TM2D3: variants seen among roughly 807,000 people sequenced by gnomAD.
The protein encoded by TM2D3 is TM2 domain-containing protein 3.
In TM2D3, 33 loss-of-function variants were observed where a neutral mutation model predicts 27.3. That is an observed-to-expected ratio of 1.21 (90% CI 0.92 to 1.61). The LOEUF is 1.61. Among genes scored for constraint, TM2D3 ranks in the 40% most tolerant of loss-of-function variants. The pLI is 0.00. For missense variants in TM2D3, 364 were observed against 320.8 expected (o/e 1.13, Z -1.03); for synonymous variants, 138 against 122.2 (o/e 1.13, Z -0.85).
downstream of TM2D3, chr15:101,636,997 T>A: frequency 3.0e-6 from 1 of 336,826 alleles, no homozygotes; most frequent in Non-Finnish European, 6.1e-6. Flanking sequence ...TATCAAGAGG[T>A]CCTAAGAACA....
chr15:101,644,185 C>T (rs1412873661), intron 5 of TM2D3, among the ~76,000 whole-genome samples: 1 of 152,148 alleles, frequency 6.6e-6, no homozygotes, highest in Admixed American at 6.5e-5. Flanking sequence ...TCCTGGCACC[C>T]TCTTTTACTT....
intron 1 of TM2D3, 139 bp downstream of exon 1, chr15:101,652,132 G>C: frequency 2.4e-6 from 2 of 819,624 alleles, no homozygotes; most frequent in Non-Finnish European, 3.9e-6. Context: ...GACTCCAGAT[G>C]CAGCGACAAG....
intron 4 of TM2D3, chr15:101,633,820 T>C: frequency 8.8e-7 from 1 of 1,137,976 alleles, no homozygotes; most frequent in Non-Finnish European, 1.2e-6. Context: ...AAAAAATCCA[T>C]ATACCAAGAA....
exon 5 of TM2D3, chr15:101,633,062 A>G (rs1244667225): frequency 6.6e-6 from 1 of 152,046 alleles, no homozygotes; most frequent in Non-Finnish European, 1.5e-5. Context: ...CCAGAATTCT[A>G]TGTTTGGCAA....
downstream of TM2D3, chr15:101,636,872 C>T: frequency 2.4e-6 from 1 of 424,790 alleles, no homozygotes; most frequent in South Asian, 1.7e-5. Flanking sequence ...GAGACAGTGT[C>T]TCGCTCTGTG....
chr15:101,648,633 C>T lies in TM2D3; in HGVS notation c.327+1371G>A, dbSNP rs186158102. 1.2e-3 allele frequency among the ~76,000 whole-genome samples: 180 copies of T among 152,288 alleles called. 3 individuals are homozygous for T. The highest frequency in any genetic ancestry group is 7.3e-3 in the Admixed American group (111 of 15,304). ...AGAGAGAGCTGATTCTACACATAGGCACATTTATGTCACCTACATTTAATG... is the reference window on the plus strand; with the variant it reads ...AGAGAGAGCTGATTCTACACATAGGTACATTTATGTCACCTACATTTAATG... On this transcript the variant is annotated intron_variant, in intron 3 of 5. Coordinates refer to ENST00000333202, the MANE Select transcript of TM2D3 (RefSeq NM_078474.3).
downstream of TM2D3, among the ~76,000 whole-genome samples, chr15:101,637,774 G>A (rs1896581215): frequency 6.6e-6 from 1 of 152,126 alleles, no homozygotes; most frequent in South Asian, 2.1e-4. Context: ...GCGTAACTAC[G>A]TTGCGCAGGC....
chr15:101,640,704 A>G (rs546400807), downstream of TM2D3, among the ~76,000 whole-genome samples: 2 of 152,278 alleles, frequency 1.3e-5, no homozygotes, highest in South Asian at 2.1e-4. Context: ...ATCTCTTCGT[A>G]TTTCCTGCTA....
chr15:101,651,974 G>T, intron 1 of TM2D3: 1 of 604,636 alleles, frequency 1.7e-6, no homozygotes, highest in Non-Finnish European at 2.9e-6. Context: ...GGCAACGAGG[G>T]ACCGAAGGAT....
downstream of TM2D3, among the ~76,000 whole-genome samples, chr15:101,640,459 A>G (rs1330433188): frequency 1.3e-5 from 2 of 152,214 alleles, no homozygotes; most frequent in Non-Finnish European, 2.9e-5. Flanking sequence ...TTGTTAAGCC[A>G]CGCCGTTTAT....
At chr15:101,636,972 A>C (rs932267145), downstream of TM2D3, 1 of 402,952 alleles carries the variant, frequency 2.5e-6, no homozygotes, top group Non-Finnish European at 5.0e-6. Flanking sequence ...CGAACCAAAT[A>C]TGAGTGAGGC....
chr15:101,645,362 C>T (rs1010063795), intron 4 of TM2D3, 200 bp from the exon 5 acceptor site: 87 of 575,378 alleles, frequency 1.5e-4, no homozygotes, highest in Admixed American at 4.7e-4. Flanking sequence ...AGGATTACAA[C>T]GTGAGGAACA....
chr15:101,646,708 C>T lies in TM2D3; in HGVS notation c.502+17G>A. 6.2e-7 allele frequency: 1 copy of T among 1,614,038 alleles called. No individual in the cohort carries two copies. Among genetic ancestry groups the T allele is most frequent in the Non-Finnish European group, 8.5e-7 (1 of 1,179,968 alleles). The stretch of plus-strand genomic sequence containing the variant: ...GAAAAACATTTTGTTGACAAATGTC[C>T]TTGAACTCTGACCTACCCAAGCAGT... On this transcript the variant is annotated intron_variant, in intron 4 of 5. Coordinates refer to ENST00000333202, the MANE Select transcript of TM2D3 (RefSeq NM_078474.3).
downstream of TM2D3, among the ~76,000 whole-genome samples, chr15:101,640,350 A>T (rs1309757360): frequency 1.3e-5 from 2 of 152,156 alleles, no homozygotes; most frequent in Non-Finnish European, 2.9e-5. Context: ...GGATGTGAGA[A>T]GATGTTATGA....
intron 3 of TM2D3, 79 bp downstream of exon 3, chr15:101,649,925 C>A: frequency 7.5e-7 from 1 of 1,328,980 alleles, no homozygotes; most frequent in Non-Finnish European, 1.0e-6. Flanking sequence ...AATTTCTTCC[C>A]AATAATCAAG....
chr15:101,638,840 C>A (rs1896606560), downstream of TM2D3, among the ~76,000 whole-genome samples: 1 of 152,144 alleles, frequency 6.6e-6, no homozygotes, highest in South Asian at 2.1e-4. Context: ...GGAGATGCTG[C>A]AATCCAGCTG....
downstream of TM2D3, among the ~76,000 whole-genome samples, chr15:101,641,653 T>C (rs527449728): frequency 2.8e-4 from 43 of 152,314 alleles, no homozygotes; most frequent in South Asian, 2.5e-3. Context: ...GAGTTTTTTT[T>C]CCCCGATAAA....
Position 101,642,440 on chromosome 15 carries a change from T to C in TM2D3, c.*39A>G. 1.9e-6 allele frequency: 3 copies of C among 1,541,386 alleles called. No individual in the cohort carries two copies. Among genetic ancestry groups the C allele is most frequent in the African/African-American group, 1.4e-5 (1 of 72,358 alleles). Reference sequence around the variant, plus strand: ...ATCAACTCCTACGGACAAAAGGGCTTTTTCTAAGCCCTGCTCCTTTCTGAA... The same window carrying C: ...ATCAACTCCTACGGACAAAAGGGCTCTTTCTAAGCCCTGCTCCTTTCTGAA... On this transcript the variant is annotated 3_prime_UTR_variant, in exon 6 of 6. Coordinates refer to ENST00000333202, the MANE Select transcript of TM2D3 (RefSeq NM_078474.3).
chr15:101,643,688 T>C (rs1896731387), intron 5 of TM2D3, among the ~76,000 whole-genome samples: 1 of 144,892 alleles, frequency 6.9e-6, no homozygotes, highest in African/African-American at 2.6e-5. Context: ...TGTTACAGTA[T>C]AGTACTGTAA....
Sources: allele counts gnomAD v4.1 joint callset (sites outside exome capture counted in the v4.1 genomes callset), GRCh38; gene constraint gnomAD v4.1.1; transcripts MANE v1.5; gene names NCBI Gene and HGNC (gene_info 2026-07-23, HGNC 2026-07-21).